The following PTCSC3 variants were observed in gnomAD, a reference collection of about 807,000 sequenced individuals.
PTCSC3 encodes papillary thyroid carcinoma susceptibility candidate 3 (non-protein coding).
intron 1 of PTCSC3, among the ~76,000 whole-genome samples, chr14:36,162,860 T>G (rs1942836567): frequency 6.6e-6 from 1 of 152,180 alleles, no homozygotes; most frequent in Non-Finnish European, 1.5e-5. Context: ...ACTGGGAACC[T>G]CCAGGTATTG....
intron 3 of PTCSC3, among the ~76,000 whole-genome samples, chr14:36,142,734 G>T (rs1401859160): frequency 2.7e-5 from 4 of 150,776 alleles, no homozygotes; most frequent in Non-Finnish European, 5.9e-5. Flanking sequence ...GTATACATGT[G>T]CCATGCTGGT....
Position 36,161,865 on chromosome 14 carries a change from C to T in PTCSC3, n.231+759G>A, listed in dbSNP as rs113951525. ...CGTGCCCTGTCCCAGGGTTATGAGC[C>T]GCTGATTTGGGCTGCTGCCTTTCTT... On this transcript the variant is annotated intron_variant and non_coding_transcript_variant, in intron 2 of 3. Coordinates refer to ENST00000556013, the Ensembl canonical transcript of PTCSC3. 2.8e-3 allele frequency among the ~76,000 whole-genome samples: 428 copies of T among 152,256 alleles called. 4 individuals carry two copies. Among genetic ancestry groups the T allele is most frequent in the African/African-American group, 9.6e-3 (398 of 41,546 alleles).
chr14:36,134,898 C>T (rs1234760904), downstream of PTCSC3, among the ~76,000 whole-genome samples: 2 of 152,176 alleles, frequency 1.3e-5, no homozygotes, highest in Non-Finnish European at 1.5e-5. Flanking sequence ...TGTTTATGGG[C>T]AGGGCATCGT....
At chr14:36,169,759 G>T (rs1193621392) in intron 1 of PTCSC3, among the ~76,000 whole-genome samples, 2 of 152,118 alleles carry the variant, frequency 1.3e-5, no homozygotes, top group Non-Finnish European at 2.9e-5. Context: ...CTATGTCCAT[G>T]GAAGGAAACA....
chr14:36,139,582 C>A (rs948163339), intron 3 of PTCSC3, among the ~76,000 whole-genome samples: 9 of 152,142 alleles, frequency 5.9e-5, no homozygotes, highest in Admixed American at 5.9e-4. Context: ...ACACACACAA[C>A]ATGTGTATCT....
In PTCSC3 at chr14:36,171,687, A is replaced by G. The variant is rs115119862; in HGVS notation, n.171+4611T>C. ...AAATCAGTTTCAACCCCGGGGGAAA[A>G]TAACTATCAAAGGCAAGCAAGATGC... On this transcript the variant is annotated intron_variant and non_coding_transcript_variant, in intron 1 of 3. Transcript: ENST00000556013. 6.0e-3 allele frequency among the ~76,000 whole-genome samples: 921 copies of G among 152,260 alleles called. 6 individuals are homozygous for G. The highest frequency in any genetic ancestry group is 0.037 in the Middle Eastern group (11 of 294).
chr14:36,140,439 T>G (rs1881393098), intron 3 of PTCSC3, among the ~76,000 whole-genome samples: 1 of 152,230 alleles, frequency 6.6e-6, no homozygotes, highest in Non-Finnish European at 1.5e-5. Context: ...AAAGCAGCTG[T>G]GCCATTTTGC....
At chr14:36,142,713 T>G (rs1881453134) in intron 3 of PTCSC3, among the ~76,000 whole-genome samples, 1 of 151,850 alleles carries the variant, frequency 6.6e-6, no homozygotes, top group African/African-American at 2.4e-5. Flanking sequence ...TTGTGCAGGT[T>G]AGTTACATAT....
intron 1 of PTCSC3, among the ~76,000 whole-genome samples, chr14:36,173,908 T>C (rs910951997): frequency 6.6e-6 from 1 of 152,172 alleles, no homozygotes; most frequent in Admixed American, 6.5e-5. Flanking sequence ...AGTCATTTCA[T>C]TGTCTTCTGG....
chr14:36,141,340 A>G (rs1594443624), intron 3 of PTCSC3, among the ~76,000 whole-genome samples: 1 of 152,054 alleles, frequency 6.6e-6, no homozygotes. Flanking sequence ...TGACATCTTG[A>G]CAATATTGAT....
chr14:36,170,568 T>G lies in PTCSC3; in HGVS notation n.171+5730A>C, dbSNP rs935083784. 2.0e-5 allele frequency among the ~76,000 whole-genome samples: 3 copies of G among 152,272 alleles called. No individual in the cohort carries two copies. The South Asian group carries it at 6.2e-4, about 32-fold the overall frequency. ...CTATTCAGCATTGTGGTGCCTGGCA[T>G]GTTGTGTGTGCCCAGCATATTTTGA... is the stretch of plus-strand genomic sequence containing the variant. On this transcript the variant is annotated intron_variant and non_coding_transcript_variant, in intron 1 of 3. Coordinates refer to ENST00000556013, the Ensembl canonical transcript of PTCSC3.
chr14:36,172,307 C>T (rs1882206868), intron 1 of PTCSC3, among the ~76,000 whole-genome samples: 1 of 151,986 alleles, frequency 6.6e-6, no homozygotes, highest in East Asian at 1.9e-4. Context: ...ACTCTGCCAA[C>T]TAAAAATATA....
chr14:36,175,516 G>T (rs1016452529), intron 1 of PTCSC3, among the ~76,000 whole-genome samples: 1 of 152,120 alleles, frequency 6.6e-6, no homozygotes, highest in African/African-American at 2.4e-5. Flanking sequence ...TCATAAAATA[G>T]GTCCCAGCCA....
chr14:36,162,992 G>C (rs1041094949), intron 1 of PTCSC3, among the ~76,000 whole-genome samples: 3 of 152,020 alleles, frequency 2.0e-5, no homozygotes, highest in African/African-American at 7.2e-5. Context: ...GAAAATTTTA[G>C]CTATCTTTAC....
At chr14:36,165,058 A>G (rs1464814932) in intron 1 of PTCSC3, 1 of 152,346 alleles carries the variant, frequency 6.6e-6, no homozygotes, top group Non-Finnish European at 1.5e-5. Context: ...GCAAATAAAG[A>G]GCCGCAGTGG....
chr14:36,150,900 A>G (rs1179722769), intron 3 of PTCSC3, among the ~76,000 whole-genome samples: 1 of 151,966 alleles, frequency 6.6e-6, no homozygotes, highest in Non-Finnish European at 1.5e-5. Flanking sequence ...TGAACAAACA[A>G]TTATATATTA....
intron 2 of PTCSC3, among the ~76,000 whole-genome samples, chr14:36,162,288 C>T (rs1272116055): frequency 8.0e-6 from 1 of 125,100 alleles, no homozygotes; most frequent in African/African-American, 3.4e-5. Context: ...AAAAAAAACT[C>T]CTGCAGCCAG....
At chr14:36,166,741 A>G (rs1473037619) in intron 1 of PTCSC3, among the ~76,000 whole-genome samples, 1 of 152,198 alleles carries the variant, frequency 6.6e-6, no homozygotes, top group Non-Finnish European at 1.5e-5. Context: ...ATCTTGCCTA[A>G]TAGTGAATAT....
rs531038578 is a variant in PTCSC3 at position 36,154,129 on chromosome 14, G to C, written n.232-235C>G. Among the ~76,000 whole-genome samples the C allele has an allele frequency of 7.7e-4, 117 of 151,730 alleles. 1 individual carries two copies. Among genetic ancestry groups the C allele is most frequent in the Non-Finnish European group, 1.2e-3 (79 of 67,976 alleles). ...CGGAGACAGAATCTAAAGAAAACAT[G>C]TTGTATGATTCTGTTTATGTAAAAT... On this transcript the variant is annotated intron_variant and non_coding_transcript_variant, in intron 2 of 3. Coordinates refer to ENST00000556013, the Ensembl canonical transcript of PTCSC3.
Sources: allele counts gnomAD v4.1 joint callset (sites outside exome capture counted in the v4.1 genomes callset), GRCh38; gene constraint gnomAD v4.1.1; transcripts MANE v1.5; gene names NCBI Gene and HGNC (gene_info 2026-07-23, HGNC 2026-07-21).